The following UMODL1 variants were observed in gnomAD, a reference collection of about 807,000 sequenced individuals.
The protein encoded by UMODL1 is uromodulin like 1.
A neutral mutation model predicts 136.3 loss-of-function variants in UMODL1; 128 were observed. That is an observed-to-expected ratio of 0.94 (90% confidence interval 0.81 to 1.09). The LOEUF is 1.09. UMODL1 is among the 50% of genes least tolerant of loss of function. The pLI is 0.00. For missense variants in UMODL1, 1,766 were observed against 1,725.6 expected (o/e 1.02, Z -0.41); for synonymous variants, 721 against 720.0 (o/e 1.00, Z -0.02).
Position 42,123,599 on chromosome 21 carries a change from G to A in UMODL1, c.3147+449G>A, listed in dbSNP as rs1040443111. On this transcript the variant is annotated intron_variant, in intron 17 of 22. Transcript: ENST00000408910. This position sits in a 1 kb window ranked among gnomAD's most constrained non-coding sequence, Gnocchi z 4.4. ...TGTGTGAATCTGTGTGTGCGAATGT[G>A]TATGTGTATATGCATGGCTGTGCTT... Among the ~76,000 whole-genome samples the A allele has an allele frequency of 2.0e-5, 3 of 151,988 alleles. No homozygotes were observed. Among genetic ancestry groups the A allele is most frequent in the Non-Finnish European group, 2.9e-5 (2 of 67,980 alleles).
chr21:42,082,917 T>C (rs2066379397), intron 2 of UMODL1, among the ~76,000 whole-genome samples: 1 of 22,252 alleles, frequency 4.5e-5, no homozygotes, highest in Non-Finnish European at 1.1e-4. Context: ...CTGAGACCTC[T>C]ATAAGCCCCT....
chr21:42,070,097 T>A (rs528641634), upstream of UMODL1, among the ~76,000 whole-genome samples: 5 of 152,312 alleles, frequency 3.3e-5, no homozygotes, highest in Non-Finnish European at 5.9e-5. Context: ...CAGTTCATCA[T>A]CTCAGAGATT....
Position 42,078,045 on chromosome 21 carries a change from C to T in UMODL1, c.319+1798C>T, listed in dbSNP as rs192382762. ...TTCAGAGGGCCAGGCAGAGAGAGGG[C>T]CTGATGGTTTCGGGTGTGCTGTTAA... On this transcript the variant is annotated intron_variant, in intron 2 of 22. Transcript: ENST00000408910. 1.1e-4 allele frequency among the ~76,000 whole-genome samples: 16 copies of T among 152,288 alleles called. No homozygotes were observed. In the East Asian group the frequency reaches 2.3e-3, roughly 22 times the overall value.
intron 8 of UMODL1, chr21:42,102,542 C>A (rs2066650079): frequency 1.8e-5 from 4 of 225,390 alleles, no homozygotes; most frequent in Non-Finnish European, 2.6e-5. Flanking sequence ...ACCACTTACT[C>A]CTACTGTTGG....
chr21:42,101,797 C>T, intron 7 of UMODL1: 1 of 454,248 alleles, frequency 2.2e-6, no homozygotes, highest in Admixed American at 2.4e-5. Context: ...ATGTTGGGGG[C>T]CTGAGTAAGG....
chr21:42,094,214 C>A (rs914612509), intron 6 of UMODL1, among the ~76,000 whole-genome samples: 6 of 152,216 alleles, frequency 3.9e-5, no homozygotes, highest in African/African-American at 1.4e-4. Flanking sequence ...GCGGCCCCAG[C>A]TTCACTTCTA....
chr21:42,141,526 A>C (rs1043249260), intron 22 of UMODL1, among the ~76,000 whole-genome samples: 3 of 152,194 alleles, frequency 2.0e-5, no homozygotes, highest in Admixed American at 1.3e-4. Flanking sequence ...TTTCTAAGGA[A>C]ATCTGGTGTA....
At chr21:42,087,032 A>G (rs939891358) in intron 4 of UMODL1, among the ~76,000 whole-genome samples, 17 of 152,210 alleles carry the variant, frequency 1.1e-4, no homozygotes, top group Admixed American at 3.9e-4. Flanking sequence ...CCATGAGCTT[A>G]AATCATACAT....
At chr21:42,109,461 C>T in intron 9 of UMODL1, 101 bp from the exon 10 acceptor site, 2 of 1,536,536 alleles carry the variant, frequency 1.3e-6, no homozygotes, top group Non-Finnish European at 1.8e-6. Flanking sequence ...CGGCCGTTCA[C>T]TGCAAAGACG....
At chr21:42,116,043 T>C in intron 14 of UMODL1, 58 bp downstream of exon 14, 1 of 1,466,524 alleles carries the variant, frequency 6.8e-7, no homozygotes, top group Non-Finnish European at 9.5e-7. Context: ...GGAAGGCTGA[T>C]AGAATTCTAG....
At chr21:42,094,008 A>G in intron 6 of UMODL1, 1 of 445,310 alleles carries the variant, frequency 2.2e-6, no homozygotes, top group Non-Finnish European at 4.5e-6. Context: ...TCGTGAGCAC[A>G]GAAGGTTGGA....
intron 17 of UMODL1, among the ~76,000 whole-genome samples, chr21:42,124,846 T>C (rs2067030778): frequency 6.6e-6 from 1 of 152,116 alleles, no homozygotes; most frequent in African/African-American, 2.4e-5. Flanking sequence ...CCTGCTTGGC[T>C]GAGAGTTCTA....
chr21:42,129,857 A>T, intron 21 of UMODL1, 60 bp downstream of exon 21: 3 of 1,291,606 alleles, frequency 2.3e-6, no homozygotes, highest in Non-Finnish European at 2.1e-6. Context: ...CCTTTTCACC[A>T]GCATGTAAAT....
chr21:42,065,528 CTTTCTTTTTT>C (rs1348640970), intron 1 of UMODL1, among the ~76,000 whole-genome samples: 4 of 151,340 alleles, frequency 2.6e-5, no homozygotes, highest in African/African-American at 4.9e-5. Context: ...CACCAGATCT[CTTTCTTTTTT>C]TTTCTTTTTT....
chr21:42,104,742 G>A (rs748545250), intron 9 of UMODL1, among the ~76,000 whole-genome samples: 27 of 152,152 alleles, frequency 1.8e-4, no homozygotes, highest in African/African-American at 5.3e-4. Context: ...GAGCCACCGC[G>A]CCCGGCCTCT....
At chr21:42,096,948 G>C (rs949148742) in intron 6 of UMODL1, among the ~76,000 whole-genome samples, 3 of 152,218 alleles carry the variant, frequency 2.0e-5, no homozygotes, top group Admixed American at 2.0e-4. Flanking sequence ...ACTTTAAGAA[G>C]CCGGGTGGTT....
rs1447210143 is a variant in UMODL1 at position 42,111,589 on chromosome 21, C to G, written c.1983C>G (p.Thr661=). 1 of 1,614,146 alleles carries G rather than the reference C, an allele frequency of 6.2e-7. No homozygotes were observed. Among genetic ancestry groups the G allele is most frequent in the Non-Finnish European group, 8.5e-7 (1 of 1,179,998 alleles). The change falls in exon 12 of 23, where the codon ACC becomes ACG. Residue 661 remains threonine (T), a synonymous_variant. Coordinates refer to ENST00000408910, the MANE Select transcript of UMODL1 (RefSeq NM_001004416.3). ...DPTGHFLWHA[T]RSTRETLLNP... The stretch of plus-strand genomic sequence containing the variant: ...CCGGCCACTTCCTGTGGCATGCCAC[C>G]CGTTCCACCCGGGAAACACTTCTGA...
chr21:42,080,013 C>T (rs748555111), intron 2 of UMODL1, among the ~76,000 whole-genome samples: 3 of 152,238 alleles, frequency 2.0e-5, no homozygotes, highest in Non-Finnish European at 4.4e-5. Flanking sequence ...GCAACTCCTG[C>T]CGCTGGAGGG....
chr21:42,121,120 G>C lies in UMODL1; in HGVS notation c.2723G>C (p.Cys908Ser). The C allele has an allele frequency of 1.2e-6, 2 of 1,614,064 alleles. No individual in the cohort carries two copies. The highest frequency in any genetic ancestry group is 8.5e-7 in the Non-Finnish European group (1 of 1,179,980). Residue 908 changes from cysteine to serine, a missense_variant, in exon 16 of 23, where the codon TGT becomes TCT. Coordinates refer to ENST00000408910, the MANE Select transcript of UMODL1 (RefSeq NM_001004416.3). Reference protein sequence around the residue: ...YDECERKEDDCVPGTSCRNTL... With the variant: ...YDECERKEDDSVPGTSCRNTL... ...GAGTGTGAAAGGAAGGAGGACGACT[G>C]TGTGCCGGGGACATCCTGTCGAAAC...
Sources: allele counts gnomAD v4.1 joint callset (sites outside exome capture counted in the v4.1 genomes callset), GRCh38; gene constraint gnomAD v4.1.1; non-coding constraint Gnocchi (gnomAD v3.1); transcripts MANE v1.5; gene names NCBI Gene and HGNC (gene_info 2026-07-23, HGNC 2026-07-21).